The following MAP3K13 variants were observed in gnomAD, a reference collection of about 807,000 sequenced individuals.
The protein encoded by MAP3K13 is mitogen-activated protein kinase kinase kinase 13.
MAP3K13 carries 52 observed loss-of-function variants against 104.0 expected under a neutral mutation model. The observed-to-expected ratio is 0.50, with a 90% CI of 0.40 to 0.63. The LOEUF (loss-of-function observed/expected upper bound fraction) is 0.63. Among genes scored for constraint, MAP3K13 ranks in the 20% least tolerant of loss-of-function variants. The pLI is 0.00. For missense variants in MAP3K13, 914 were observed against 1,218.5 expected (o/e 0.75, Z 3.72); for synonymous variants, 394 against 442.2 (o/e 0.89, Z 1.37).
intron 3 of MAP3K13, among the ~76,000 whole-genome samples, chr3:185,440,196 A>G (rs1715248445): frequency 6.6e-6 from 1 of 152,202 alleles, no homozygotes; most frequent in Admixed American, 6.5e-5. Flanking sequence ...TTCAGTGCCA[A>G]GGGGAAGAAA....
At chr3:185,400,922 T>G (rs1712770547) in intron 1 of MAP3K13, among the ~76,000 whole-genome samples, 1 of 111,596 alleles carries the variant, frequency 9.0e-6, no homozygotes, top group Non-Finnish European at 2.0e-5. Context: ...TTTTTTTTTT[T>G]GTCTTCTTTT....
intron 1 of MAP3K13, among the ~76,000 whole-genome samples, chr3:185,383,783 C>T (rs1174254523): frequency 6.6e-6 from 1 of 152,022 alleles, no homozygotes; most frequent in Non-Finnish European, 1.5e-5. Flanking sequence ...TATGGCAACA[C>T]AAAGAGACTA....
At chr3:185,377,834 G>A (rs373642974) in intron 1 of MAP3K13, among the ~76,000 whole-genome samples, 18 of 152,368 alleles carry the variant, frequency 1.2e-4, no homozygotes, top group African/African-American at 3.6e-4. Context: ...ATCTGGGAAG[G>A]GGCCTTGGGC....
chr3:185,352,054 T>C (rs926628773), intron 2 of MAP3K13, among the ~76,000 whole-genome samples: 27 of 152,136 alleles, frequency 1.8e-4, no homozygotes, highest in African/African-American at 6.3e-4. Flanking sequence ...CTCACTCACA[T>C]CTCATTGACT....
chr3:185,290,823 T>C (rs911947743), intron 2 of MAP3K13, among the ~76,000 whole-genome samples: 3 of 152,174 alleles, frequency 2.0e-5, no homozygotes, highest in African/African-American at 7.2e-5. Flanking sequence ...GCTATTATTA[T>C]TAGTTTTTAG....
chr3:185,398,348 T>A (rs996203462), intron 1 of MAP3K13, among the ~76,000 whole-genome samples: 7 of 152,104 alleles, frequency 4.6e-5, no homozygotes, highest in African/African-American at 1.4e-4. Flanking sequence ...CAAAAAAAAA[T>A]TTCAAACTTT....
At chr3:185,396,481 T>A (rs915304994) in intron 1 of MAP3K13, among the ~76,000 whole-genome samples, 16 of 152,264 alleles carry the variant, frequency 1.1e-4, no homozygotes, top group African/African-American at 3.6e-4. Flanking sequence ...CTGTTTCCCA[T>A]TGTTAAGGAA....
Position 185,437,473 on chromosome 3 carries a change from A to G in MAP3K13, c.502A>G (p.Ile168Val), listed in dbSNP as rs776124835. 3.1e-6 allele frequency: 5 copies of G among 1,613,316 alleles called. No individual in the cohort carries two copies. The highest frequency in any genetic ancestry group is 4.2e-6 in the Non-Finnish European group (5 of 1,179,858). The change falls in exon 3 of 14, where the codon ATC becomes GTC. Residue 168 changes from isoleucine (I) to valine (V), a missense_variant. By Grantham distance (29) the Ile-to-Val change is conservative. This residue lies in a region of MAP3K13 where 175 missense variants were observed against 321.3 expected (regional missense o/e 0.54). Coordinates refer to ENST00000265026, the MANE Select transcript of MAP3K13 (RefSeq NM_004721.5). ...TACTTGGGAAGTGCCATTTGAGGAG[A>G]TCTCAGAGCTGCAGTGGCTGGGTAG... ...QDTWEVPFEE[I>V]SELQWLGSGA...
At chr3:185,402,133 C>T (rs1335557959) in intron 1 of MAP3K13, among the ~76,000 whole-genome samples, 3 of 152,150 alleles carry the variant, frequency 2.0e-5, no homozygotes, top group African/African-American at 7.2e-5. Context: ...TGGGGAATCT[C>T]ACCTTGGGTG....
At chr3:185,288,095 A>G (rs918060887) in intron 2 of MAP3K13, among the ~76,000 whole-genome samples, 4 of 152,188 alleles carry the variant, frequency 2.6e-5, no homozygotes, top group African/African-American at 7.2e-5. Flanking sequence ...ATTAATCACT[A>G]TCATCATGAA....
chr3:185,285,698 T>C, intron 2 of MAP3K13: 1 of 1,422,232 alleles, frequency 7.0e-7, no homozygotes, highest in Non-Finnish European at 9.6e-7. Flanking sequence ...ATCTTAAATT[T>C]GCCTAGGAAA....
chr3:185,399,992 T>C (rs934519983), intron 1 of MAP3K13, among the ~76,000 whole-genome samples: 2 of 152,134 alleles, frequency 1.3e-5, no homozygotes, highest in Non-Finnish European at 2.9e-5. Context: ...GCTCAGATTC[T>C]TTCCATTCTC....
intron 2 of MAP3K13, among the ~76,000 whole-genome samples, chr3:185,434,493 C>T (rs1714914821): frequency 6.6e-6 from 1 of 152,176 alleles, no homozygotes; most frequent in South Asian, 2.1e-4. Context: ...AGGAAACTGT[C>T]CTCTTTAACC....
At chr3:185,477,040 C>A in intron 11 of MAP3K13, 1 of 535,828 alleles carries the variant, frequency 1.9e-6, no homozygotes, top group Non-Finnish European at 3.6e-6. Context: ...CTCCATCACT[C>A]ACCTCTGGAC....
chr3:185,337,365 A>G (rs1021180780), intron 2 of MAP3K13, among the ~76,000 whole-genome samples: 7 of 152,252 alleles, frequency 4.6e-5, no homozygotes, highest in African/African-American at 1.7e-4. Context: ...CTCACAGAAC[A>G]CCTGGAAAGT....
chr3:185,451,225 T>C (rs1403372281), intron 6 of MAP3K13, 62 bp from the exon 7 acceptor site: 1 of 1,217,534 alleles, frequency 8.2e-7, no homozygotes, highest in Non-Finnish European at 1.2e-6. Context: ...TAAAGTAAAA[T>C]AAAATCTTCA....
At chr3:185,403,631 G>A (rs1004434890) in intron 1 of MAP3K13, among the ~76,000 whole-genome samples, 7 of 152,102 alleles carry the variant, frequency 4.6e-5, no homozygotes, top group African/African-American at 1.7e-4. Flanking sequence ...ATTTTTTACT[G>A]TAAATATAAT....
chr3:185,438,506 G>C (rs6765596), intron 3 of MAP3K13, among the ~76,000 whole-genome samples: 123,049 of 152,086 alleles, frequency 0.81, 50,985 homozygotes, highest in East Asian at 0.91. Context: ...CAAACATTCA[G>C]CTTTCTTAAC....
intron 1 of MAP3K13, among the ~76,000 whole-genome samples, chr3:185,412,616 AT>A (rs1713516909): frequency 6.6e-6 from 1 of 152,230 alleles, no homozygotes; most frequent in Non-Finnish European, 1.5e-5. Flanking sequence ...CTAGAGTATC[AT>A]CTTGATTGAA....
Sources: gnomAD v4.1 joint callset for allele counts (sites outside exome capture counted in the v4.1 genomes callset) on GRCh38, gnomAD v4.1.1 for gene constraint, gnomAD v4.1.1 regional missense constraint, MANE v1.5 for transcripts, NCBI Gene and HGNC (gene_info 2026-07-23, HGNC 2026-07-21) for gene names.